TP53TG5: variants seen among roughly 807,000 people sequenced by gnomAD.
TP53TG5 encodes TP53-target gene 5 protein.
A neutral mutation model predicts 30.0 loss-of-function variants in TP53TG5; 17 were observed. The observed-to-expected ratio is 0.57, with a 90% CI of 0.39 to 0.85. The LOEUF (loss-of-function observed/expected upper bound fraction) is 0.85, where lower values mean the gene tolerates loss of function less well. Among genes scored for constraint, TP53TG5 ranks in the 40% least tolerant of loss-of-function variants. The pLI, the probability that TP53TG5 is intolerant of heterozygous loss-of-function variation, is 0.00. For missense variants in TP53TG5, 338 were observed against 367.9 expected (o/e 0.92, Z 0.67); for synonymous variants, 137 against 139.2 (o/e 0.98, Z 0.11).
chr20:45,373,827 G>T lies in TP53TG5; in HGVS notation c.*80C>A, dbSNP rs1988632235. 1 of 1,373,002 alleles carries T rather than the reference G, an allele frequency of 7.3e-7. No homozygotes were observed. Among genetic ancestry groups the T allele is most frequent in the Non-Finnish European group, 1.0e-6 (1 of 963,986 alleles). The allele number at this position is 1,373,002 out of a possible 1,614,324, so 85.1% of individuals were successfully genotyped here. On this transcript the variant is annotated 3_prime_UTR_variant, in exon 5 of 5. Coordinates refer to ENST00000372726, the MANE Select transcript of TP53TG5 (RefSeq NM_014477.3). ...GCGACACAGGCTCCCTCTACCGAAGGCCTCTTTCCTTCATCCTTCCCAGCC... is the reference window on the plus strand; with the variant it reads ...GCGACACAGGCTCCCTCTACCGAAGTCCTCTTTCCTTCATCCTTCCCAGCC...
intron 4 of TP53TG5, chr20:45,374,382 C>CG: frequency 1.6e-6 from 1 of 630,552 alleles, no homozygotes; most frequent in South Asian, 1.8e-5. Context: ...AGCGATCCTC[C>CG]GACCTCAGCC....
intron 4 of TP53TG5, chr20:45,374,460 C>T (rs2145365890): frequency 1.7e-6 from 1 of 572,092 alleles, no homozygotes; most frequent in East Asian, 2.9e-5. Context: ...TTTGTAGAGA[C>T]AGTGTCTCAT....
chr20:45,377,110 G>A (rs1309363383), intron 3 of TP53TG5, 102 bp downstream of exon 3: 2 of 1,468,736 alleles, frequency 1.4e-6, no homozygotes, highest in African/African-American at 2.8e-5. Flanking sequence ...CTCTCACAGA[G>A]GCTTTGTGAA....
Position 45,375,145 on chromosome 20 carries a change from G to C in TP53TG5, c.662C>G (p.Pro221Arg). The C allele has an allele frequency of 6.2e-7, 1 of 1,614,150 alleles. No individual in the cohort carries two copies. Among genetic ancestry groups the C allele is most frequent in the Non-Finnish European group, 8.5e-7 (1 of 1,180,044 alleles). Reference protein sequence around the residue: ...FEGLPTRIHLPAPRVMCRSST... With the variant: ...FEGLPTRIHLRAPRVMCRSST... Reference sequence around the variant, plus strand: ...GGATCTGCACATCACCCTGGGCGCCGGGAGGTGGATTCGTGTGGGCAGCCC... The same window carrying C: ...GGATCTGCACATCACCCTGGGCGCCCGGAGGTGGATTCGTGTGGGCAGCCC... Residue 221 changes from proline (P) to arginine (R), a missense_variant, in exon 4 of 5, where the codon CCG (proline) becomes CGG (arginine). Physicochemically the swap from Pro to Arg is moderately radical, Grantham distance 103. Coordinates refer to ENST00000372726, the MANE Select transcript of TP53TG5 (RefSeq NM_014477.3).
chr20:45,376,082 T>A (rs1988722957), intron 3 of TP53TG5: 1 of 152,368 alleles, frequency 6.6e-6, no homozygotes, highest in Admixed American at 6.5e-5. Context: ...TCTGTCTCCA[T>A]ACAAAAAAAA....
Position 45,373,532 on chromosome 20 carries a change from G to C in TP53TG5, c.*375C>G, listed in dbSNP as rs1417353635. The C allele has an allele frequency of 7.2e-6, 2 of 276,432 alleles. No individual in the cohort carries two copies. Among genetic ancestry groups the C allele is most frequent in the African/African-American group, 4.3e-5 (2 of 46,902 alleles). 17.1% of individuals were successfully genotyped at this position (276,432 alleles called of 1,614,324 possible). ...CTTTCTTGGGAAAATGGAATGGGGA[G>C]CAACCAGGAGCCCTTGCTCCTGCCA... On this transcript the variant is annotated 3_prime_UTR_variant, in exon 5 of 5. Transcript: ENST00000372726.
rs1392590277 is a variant in TP53TG5 at position 45,375,084 on chromosome 20, G to A, written c.723C>T (p.Arg241=). Residue 241 remains arginine, a synonymous_variant, in exon 4 of 5, where the codon CGC becomes CGT. Coordinates refer to ENST00000372726, the MANE Select transcript of TP53TG5 (RefSeq NM_014477.3). The part of the protein sequence containing the change: ...TLRWVKRRCT[R]FCSASLEMPM... The stretch of plus-strand genomic sequence containing the variant: ...GCATTTCAAGTGATGCGGAGCAGAA[G>A]CGGGTGCAGCGGCGCTTGACCCAAC... 1.9e-6 allele frequency: 3 copies of A among 1,614,122 alleles called. No individual in the cohort carries two copies. Among genetic ancestry groups the A allele is most frequent in the Admixed American group, 3.3e-5 (2 of 60,034 alleles).
In TP53TG5 at chr20:45,378,299, CCT is replaced by C; in HGVS notation, c.-65_-64del. 1 of 1,611,610 alleles carries C rather than the reference CCT, an allele frequency of 6.2e-7. No individual in the cohort carries two copies. Among genetic ancestry groups the C allele is most frequent in the Non-Finnish European group, 8.5e-7 (1 of 1,179,192 alleles). ...ACCAGTGCCAGGCACCAACCCTGTTCCTCTCAGTTCAGCCAGCACTCAGGCTG... is the reference window on the plus strand; with the variant it reads ...ACCAGTGCCAGGCACCAACCCTGTTCCTCAGTTCAGCCAGCACTCAGGCTG... On this transcript the variant is annotated 5_prime_UTR_variant, in exon 1 of 5. Coordinates refer to ENST00000372726, the MANE Select transcript of TP53TG5 (RefSeq NM_014477.3).
intron 4 of TP53TG5, 168 bp from the exon 5 acceptor site, chr20:45,374,179 C>G (rs1272479746): frequency 1.2e-5 from 8 of 678,424 alleles, no homozygotes; most frequent in South Asian, 4.9e-5. Flanking sequence ...GCACTCACCC[C>G]CTTCCTTTCG....
chr20:45,378,066 C>T, intron 1 of TP53TG5, 123 bp downstream of exon 1: 4 of 1,354,690 alleles, frequency 3.0e-6, no homozygotes, highest in Non-Finnish European at 4.1e-6. Context: ...CTCTCCTGAC[C>T]TCCCTTCACC....
intron 3 of TP53TG5, chr20:45,375,952 A>G (rs755652386): frequency 1.7e-5 from 3 of 179,106 alleles, no homozygotes; most frequent in Non-Finnish European, 3.5e-5. Flanking sequence ...GGGGCAGGAT[A>G]CCTCTCCCCA....
At position 45,375,336 on chromosome 20, in the gene TP53TG5, A is replaced by T; in HGVS notation, c.471T>A (p.Pro157=). The change falls in exon 4 of 5, where the codon CCT becomes CCA. Residue 157 remains proline, a synonymous_variant. Coordinates refer to ENST00000372726, the MANE Select transcript of TP53TG5 (RefSeq NM_014477.3). ...CATCCCTCGATGTCCTTGGAACCTCAGGCTCTATATGCTTTTCTTTCCGTG... is the reference window on the plus strand; with the variant it reads ...CATCCCTCGATGTCCTTGGAACCTCTGGCTCTATATGCTTTTCTTTCCGTG... ...AMPRKEKHIE[P]EVPRTSRDDS... The T allele has an allele frequency of 6.2e-7, 1 of 1,614,144 alleles. No homozygotes were observed. The highest frequency in any genetic ancestry group is 8.5e-7 in the Non-Finnish European group (1 of 1,180,036).
intron 1 of TP53TG5, among the ~76,000 whole-genome samples, 184 bp from the exon 2 acceptor site, chr20:45,377,797 C>T (rs377256089): frequency 2.0e-5 from 3 of 152,070 alleles, no homozygotes; most frequent in South Asian, 2.1e-4. Flanking sequence ...CAAAAATTAG[C>T]GAGGTGTGGT....
Position 45,373,584 on chromosome 20 carries a change from G to A in TP53TG5, c.*323C>T, listed in dbSNP as rs1190329546. On this transcript the variant is annotated 3_prime_UTR_variant, in exon 5 of 5. Transcript: ENST00000372726. ...TTTCTAGCTGAGTGAGCCTGGGCAA[G>A]TTACTTGCTGCCTCCGCGCCGCGGT... The A allele has an allele frequency of 5.0e-6, 2 of 398,352 alleles. No homozygotes were observed. Among genetic ancestry groups the A allele is most frequent in the South Asian group, 3.1e-5 (1 of 32,644 alleles). The allele number at this position is 398,352 out of a possible 1,614,324, so 24.7% of individuals were successfully genotyped here. A position where few individuals can be genotyped will look rare whatever the true frequency, so the allele number is the denominator to read the frequency against.
chr20:45,378,261 T>A lies in TP53TG5; in HGVS notation c.-25A>T. The A allele has an allele frequency of 1.2e-6, 2 of 1,613,910 alleles. No homozygotes were observed. The highest frequency in any genetic ancestry group is 4.5e-5 in the East Asian group (2 of 44,886). Reference sequence around the variant, plus strand: ...TGCTGGGGCTGTGAGACCTCAGAGATGAATGGAGCAACACCAGTGCCAGGC... The same window carrying A: ...TGCTGGGGCTGTGAGACCTCAGAGAAGAATGGAGCAACACCAGTGCCAGGC... On this transcript the variant is annotated 5_prime_UTR_variant, in exon 1 of 5. Coordinates refer to ENST00000372726, the MANE Select transcript of TP53TG5 (RefSeq NM_014477.3).
intron 2 of TP53TG5, 50 bp downstream of exon 2, chr20:45,377,489 G>A (rs1231771623): frequency 6.2e-7 from 1 of 1,610,722 alleles, no homozygotes. Flanking sequence ...GGGCAGTACT[G>A]CATGAGTATA....
At position 45,373,062 on chromosome 20, in the gene TP53TG5, GC is replaced by G. The variant is rs1191018866; in HGVS notation, c.*844del. On this transcript the variant is annotated 3_prime_UTR_variant, in exon 5 of 5. Transcript: ENST00000372726. ...ATGGCTCCACTGCTCTCCCGAGGGCGCCCACTCCATGCAGCCTGCCTCTGGG... is the reference window on the plus strand; with the variant it reads ...ATGGCTCCACTGCTCTCCCGAGGGCGCCACTCCATGCAGCCTGCCTCTGGG... The G allele has an allele frequency of 6.6e-6, 1 of 152,370 alleles. No homozygotes were observed. The highest frequency in any genetic ancestry group is 1.5e-5 in the Non-Finnish European group (1 of 68,200). 9.4% of individuals were successfully genotyped at this position (152,370 alleles called of 1,614,324 possible).
rs1234733304 is a variant in TP53TG5, at chr20:45,373,647, T to C, written c.*260A>G. The C allele has an allele frequency of 1.9e-6, 1 of 532,778 alleles. No homozygotes were observed. The highest frequency in any genetic ancestry group is 1.9e-5 in the African/African-American group (1 of 52,828). The allele number at this position is 532,778 out of a possible 1,614,324, so 33.0% of individuals were successfully genotyped here. On this transcript the variant is annotated 3_prime_UTR_variant, in exon 5 of 5. Coordinates refer to ENST00000372726, the MANE Select transcript of TP53TG5 (RefSeq NM_014477.3). ...GCTCGCGGGGCGATTGTGAGGCACTTTGCACCCAGGAAGCACACGAGCGCC... is the reference window on the plus strand; with the variant it reads ...GCTCGCGGGGCGATTGTGAGGCACTCTGCACCCAGGAAGCACACGAGCGCC...
Position 45,375,231 on chromosome 20 carries a change from A to G in TP53TG5, c.576T>C (p.Asn192=), listed in dbSNP as rs777849878. 1.1e-5 allele frequency: 17 copies of G among 1,613,926 alleles called. No homozygotes were observed. Among genetic ancestry groups the G allele is most frequent in the South Asian group, 6.6e-5 (6 of 91,082 alleles). Residue 192 remains asparagine, a synonymous_variant, in exon 4 of 5, where the codon AAT becomes AAC. Coordinates refer to ENST00000372726, the MANE Select transcript of TP53TG5 (RefSeq NM_014477.3). ...GCTTCATGTGCCCCATGGGAGTTCT[A>G]TTGCGGTAGGGCTTAATGAAGATGA... is the stretch of plus-strand genomic sequence containing the variant. ...PRVIFIKPYR[N]RTPMGHMKQL...
Sources: gnomAD v4.1 joint callset for allele counts (sites outside exome capture counted in the v4.1 genomes callset) on GRCh38, gnomAD v4.1.1 for gene constraint, MANE v1.5 for transcripts, NCBI Gene and HGNC (gene_info 2026-07-23, HGNC 2026-07-21) for gene names.